Variants in KIAA1217 observed in about 807,000 individuals in gnomAD.
KIAA1217 encodes the protein KIAA1217.
In KIAA1217, 88 loss-of-function variants were observed where a neutral mutation model predicts 163.9. That is an observed-to-expected ratio of 0.54 (90% CI 0.45 to 0.64). The LOEUF (loss-of-function observed/expected upper bound fraction) is 0.64, where lower values mean the gene tolerates loss of function less well. KIAA1217 is among the 30% of genes least tolerant of loss of function. The pLI is 0.00. For synonymous variants in KIAA1217, 903 were observed against 923.1 expected (o/e 0.98, Z 0.39); for missense variants, 2,372 against 2,475.0 (o/e 0.96, Z 0.88).
chr10:24,477,619 C>G (rs553739278), intron 6 of KIAA1217, among the ~76,000 whole-genome samples: 1 of 152,172 alleles, frequency 6.6e-6, no homozygotes. Context: ...TATTTACAAT[C>G]ATAAACACAG....
intron 2 of KIAA1217, among the ~76,000 whole-genome samples, chr10:24,361,174 T>G (rs968893733): frequency 6.6e-6 from 1 of 151,852 alleles, no homozygotes; most frequent in African/African-American, 2.4e-5. Context: ...CATGCCATTT[T>G]TTTTTCTTAT....
chr10:23,982,183 T>C (rs1845793040), intron 1 of KIAA1217, among the ~76,000 whole-genome samples: 1 of 152,154 alleles, frequency 6.6e-6, no homozygotes, highest in Non-Finnish European at 1.5e-5. Flanking sequence ...CATTATTTCA[T>C]TCATAATCCA....
chr10:24,243,743 C>T (rs2073408870), intron 2 of KIAA1217, among the ~76,000 whole-genome samples: 1 of 150,744 alleles, frequency 6.6e-6, no homozygotes, highest in African/African-American at 2.4e-5. Flanking sequence ...ATATATAGGA[C>T]TATATATACA....
At chr10:24,058,728 G>A (rs75724816) in intron 2 of KIAA1217, among the ~76,000 whole-genome samples, 16,625 of 152,022 alleles carry the variant, frequency 0.11, 1,542 homozygotes, top group African/African-American at 0.25. Flanking sequence ...TTCATATGTT[G>A]ATTTTATACC....
intron 1 of KIAA1217, among the ~76,000 whole-genome samples, chr10:23,862,976 A>G (rs1469129190): frequency 1.3e-5 from 2 of 152,136 alleles, no homozygotes; most frequent in Admixed American, 6.5e-5. Context: ...ACCAAATTCA[A>G]CATCTCTTTT....
intron 1 of KIAA1217, among the ~76,000 whole-genome samples, chr10:23,705,800 G>A (rs968547696): frequency 8.5e-5 from 13 of 152,136 alleles, no homozygotes; most frequent in African/African-American, 2.7e-4. Context: ...GAGAGACAGC[G>A]CCAGCTGGGG....
chr10:24,359,574 T>A (rs147377077), intron 2 of KIAA1217, among the ~76,000 whole-genome samples: 2 of 152,236 alleles, frequency 1.3e-5, no homozygotes, highest in African/African-American at 4.8e-5. Context: ...TAAGGTAATA[T>A]GCCCAAAGTC....
intron 2 of KIAA1217, among the ~76,000 whole-genome samples, chr10:24,152,132 C>T (rs962733706): frequency 6.6e-6 from 1 of 152,070 alleles, no homozygotes; most frequent in African/African-American, 2.4e-5. Context: ...TGCTTTGGTT[C>T]TTAGATATGG....
intron 1 of KIAA1217, among the ~76,000 whole-genome samples, chr10:23,896,372 G>A (rs1003838904): frequency 3.9e-5 from 6 of 151,982 alleles, no homozygotes; most frequent in Admixed American, 2.0e-4. Flanking sequence ...ACACGCTGTC[G>A]AGAGTTCTTG....
At chr10:23,904,968 T>C (rs187790037) in intron 1 of KIAA1217, among the ~76,000 whole-genome samples, 1 of 151,954 alleles carries the variant, frequency 6.6e-6, no homozygotes, top group Admixed American at 6.6e-5. Flanking sequence ...TTTTTTTTTT[T>C]TCTACCCACC....
chr10:23,787,270 A>C (rs1198616744), intron 1 of KIAA1217, among the ~76,000 whole-genome samples: 8 of 152,182 alleles, frequency 5.3e-5, no homozygotes, highest in African/African-American at 1.9e-4. Flanking sequence ...TAGCATTAGA[A>C]TATATGAGAT....
At chr10:24,449,653 A>G (rs1207817889) in intron 5 of KIAA1217, 2 of 985,350 alleles carry the variant, frequency 2.0e-6, no homozygotes, top group African/African-American at 1.7e-5. Flanking sequence ...GCTTGCATTT[A>G]GTCACCATGA....
At chr10:23,790,828 G>T (rs1312509058) in intron 1 of KIAA1217, among the ~76,000 whole-genome samples, 2 of 151,748 alleles carry the variant, frequency 1.3e-5, no homozygotes, top group Admixed American at 6.6e-5. Context: ...CGACCTCCTG[G>T]GCTCAAGCCA....
intron 1 of KIAA1217, among the ~76,000 whole-genome samples, chr10:23,947,013 C>T (rs1165516231): frequency 6.6e-6 from 1 of 152,018 alleles, no homozygotes; most frequent in Non-Finnish European, 1.5e-5. Context: ...TTTTAGAAGG[C>T]GCTTTTCCCC....
chr10:24,448,501 C>T (rs2061144702), intron 5 of KIAA1217, among the ~76,000 whole-genome samples: 2 of 152,196 alleles, frequency 1.3e-5, no homozygotes, highest in African/African-American at 4.8e-5. Flanking sequence ...GATCCTCTGC[C>T]CCAGCCTCCT....
chr10:23,869,124 G>GTTTTTTGTTTTTTTTTTTTT (rs1840332195), intron 1 of KIAA1217, among the ~76,000 whole-genome samples: 1 of 31,702 alleles, frequency 3.2e-5, no homozygotes, highest in African/African-American at 1.2e-4. Context: ...ATGAAATGTA[G>GTTTTTTGTTTTTTTTTTTTT]TTTTTTTTTT....
At position 23,946,267 on chromosome 10, in the gene KIAA1217, T is replaced by TAAAAA. The variant is rs35262067; in HGVS notation, c.-320-60945_-320-60941dup. On this transcript the variant is annotated intron_variant, in intron 1 of 18. Coordinates refer to the KIAA1217 transcript ENST00000376462. ...GTGTGCCTCCAATGTCTCTTCCGTT[T>TAAAAA]AAAAAAAAAAAAAAAAAGTAAAGGA... 1.1e-3 allele frequency among the ~76,000 whole-genome samples: 130 copies of TAAAAA among 115,722 alleles called. 1 individual carries two copies. Among genetic ancestry groups the TAAAAA allele is most frequent in the Admixed American group, 1.6e-3 (17 of 10,786 alleles). The allele number at this position is 115,722 out of a possible 152,430, so 75.9% of individuals were successfully genotyped here. A position where few individuals can be genotyped will look rare whatever the true frequency, so the allele number is the denominator to read the frequency against.
chr10:24,033,085 G>A (rs536061810), intron 2 of KIAA1217, among the ~76,000 whole-genome samples: 1 of 152,294 alleles, frequency 6.6e-6, no homozygotes, highest in Non-Finnish European at 1.5e-5. Flanking sequence ...TCTTGGCACT[G>A]ACAATTTTAT....
At chr10:23,942,035 C>A (rs1843796206) in intron 1 of KIAA1217, among the ~76,000 whole-genome samples, 1 of 152,146 alleles carries the variant, frequency 6.6e-6, no homozygotes, top group South Asian at 2.1e-4. Context: ...TCCAAAGCCT[C>A]TACAATATGT....
Sources: allele counts gnomAD v4.1 joint callset (sites outside exome capture counted in the v4.1 genomes callset), GRCh38; gene constraint gnomAD v4.1.1; transcripts MANE v1.5; gene names NCBI Gene and HGNC (gene_info 2026-07-23, HGNC 2026-07-21).